Variants in BTRC observed in about 807,000 individuals in gnomAD.
BTRC encodes beta-transducin repeat containing E3 ubiquitin protein ligase.
Under a neutral mutation model 85.5 loss-of-function variants are expected in BTRC, and 42 were observed. That is an observed-to-expected ratio of 0.49 (90% CI 0.38 to 0.64). The LOEUF is 0.64. BTRC is among the 30% of genes least tolerant of loss of function. The pLI is 0.00. For missense variants in BTRC, 594 were observed against 743.5 expected, an observed-to-expected ratio of 0.80 and a Z score of 2.34; for synonymous variants, 255 against 263.3, an observed-to-expected ratio of 0.97 and a Z score of 0.30.
chr10:101,362,985 A>G (rs976260270), intron 1 of BTRC, among the ~76,000 whole-genome samples: 19 of 152,238 alleles, frequency 1.2e-4, no homozygotes, highest in Admixed American at 4.6e-4. Context: ...TTAAGGCACT[A>G]TAAGAGACTT....
At chr10:101,471,504 G>A (rs931427959) in intron 3 of BTRC, among the ~76,000 whole-genome samples, 1 of 152,196 alleles carries the variant, frequency 6.6e-6, no homozygotes, top group African/African-American at 2.4e-5. Context: ...AAGAGTTTTT[G>A]TGTCTGTTTC....
Position 101,521,735 on chromosome 10 carries a change from T to G in BTRC, c.421T>G (p.Phe141Val). 1 of 1,614,180 alleles carries G rather than the reference T, an allele frequency of 6.2e-7. No homozygotes were observed. The highest frequency in any genetic ancestry group is 8.5e-7 in the Non-Finnish European group (1 of 1,180,026). The change falls in exon 5 of 15, where the codon TTT (phenylalanine) becomes GTT (valine). Residue 141 changes from phenylalanine to valine, a missense_variant. Coordinates refer to ENST00000370187, the MANE Select transcript of BTRC (RefSeq NM_033637.4). The stretch of plus-strand genomic sequence containing the variant: ...GGAAAAGGAACTGTGTGTCAAATAC[T>G]TTGAGCAGTGGTCAGAGTCAGATCA... ...EKEKELCVKY[F>V]EQWSESDQVE... is the part of the protein sequence containing the mutation.
chr10:101,473,069 T>G (rs1488505942), intron 3 of BTRC, among the ~76,000 whole-genome samples: 3 of 152,160 alleles, frequency 2.0e-5, no homozygotes, highest in Non-Finnish European at 2.9e-5. Context: ...TCTCCCTTCC[T>G]TGGACTCCAG....
intron 13 of BTRC, among the ~76,000 whole-genome samples, chr10:101,549,185 A>G (rs2062606457): frequency 6.6e-6 from 1 of 151,320 alleles, no homozygotes; most frequent in African/African-American, 2.4e-5. Flanking sequence ...CTATAATCTC[A>G]GAGCTTTGGG....
At chr10:101,382,732 A>G (rs561967801) in intron 1 of BTRC, among the ~76,000 whole-genome samples, 5 of 152,306 alleles carry the variant, frequency 3.3e-5, no homozygotes, top group Non-Finnish European at 5.9e-5. Context: ...TTTACCATCC[A>G]TTGGTGATTC....
chr10:101,518,203 C>T (rs530044142), intron 4 of BTRC, among the ~76,000 whole-genome samples: 22 of 152,130 alleles, frequency 1.4e-4, no homozygotes, highest in Non-Finnish European at 2.8e-4. Flanking sequence ...TGAGCCACCG[C>T]GCCCGGCCGA....
chr10:101,355,616 C>T (rs577728127), intron 1 of BTRC, among the ~76,000 whole-genome samples: 1 of 152,130 alleles, frequency 6.6e-6, no homozygotes, highest in African/African-American at 2.4e-5. Context: ...GTTATTGTGA[C>T]TTGTCACTCC....
At chr10:101,449,745 A>G (rs1944911900) in intron 2 of BTRC, among the ~76,000 whole-genome samples, 1 of 151,614 alleles carries the variant, frequency 6.6e-6, no homozygotes, top group Admixed American at 6.6e-5. Context: ...ATTTTAATTC[A>G]TTTTGCCTTG....
At position 101,355,616 on chromosome 10, in the gene BTRC, C is replaced by G. The variant is rs577728127; in HGVS notation, c.48+1388C>G. 1.4e-3 allele frequency among the ~76,000 whole-genome samples: 210 copies of G among 152,246 alleles called. 4 individuals carry two copies. In the South Asian group the frequency reaches 0.043, roughly 31 times the overall value. On this transcript the variant is annotated intron_variant, in intron 1 of 14. Transcript: ENST00000370187. ...CTTGCTTTTTCAGAAGTTATTGTGA[C>G]TTGTCACTCCAAATCTTACTCCTTT... is the stretch of plus-strand genomic sequence containing the variant.
intron 3 of BTRC, among the ~76,000 whole-genome samples, chr10:101,478,796 A>C (rs1050253264): frequency 6.8e-5 from 10 of 146,516 alleles, no homozygotes; most frequent in Non-Finnish European, 1.2e-4. Context: ...AAAAAAAAAA[A>C]GAAAAGAAAA....
intron 1 of BTRC, among the ~76,000 whole-genome samples, chr10:101,419,901 A>G (rs1003934889): frequency 6.6e-6 from 1 of 152,098 alleles, no homozygotes; most frequent in Admixed American, 6.5e-5. Flanking sequence ...GCTCCTCTTA[A>G]ACTTTCCTGT....
chr10:101,466,176 G>A (rs1403987800), intron 3 of BTRC, among the ~76,000 whole-genome samples: 4 of 152,112 alleles, frequency 2.6e-5, no homozygotes, highest in Non-Finnish European at 4.4e-5. Flanking sequence ...AATTGTGACC[G>A]TTGTCTAATC....
intron 1 of BTRC, among the ~76,000 whole-genome samples, chr10:101,429,714 A>G (rs1229573857): frequency 3.5e-5 from 5 of 143,616 alleles, no homozygotes; most frequent in South Asian, 4.8e-4. Flanking sequence ...ACAGACCCCA[A>G]TCCATCTGGA....
intron 4 of BTRC, among the ~76,000 whole-genome samples, chr10:101,505,812 AC>A (rs543958648): frequency 1.8e-4 from 27 of 148,518 alleles, no homozygotes; most frequent in East Asian, 6.0e-4. Flanking sequence ...TCTTTGCTTG[AC>A]CCCCCCCATA....
In BTRC at chr10:101,354,168, G is replaced by C; in HGVS notation, c.-13G>C. On this transcript the variant is annotated 5_prime_UTR_variant, in exon 1 of 15. Transcript: ENST00000370187. Reference sequence around the variant, plus strand: ...GGCCCCGGCGGAGAGCGGACCCAGTGGCCTCGGCGATTATGGACCCGGCCG... The same window carrying C: ...GGCCCCGGCGGAGAGCGGACCCAGTCGCCTCGGCGATTATGGACCCGGCCG... The C allele has an allele frequency of 6.5e-7, 1 of 1,548,894 alleles. No individual in the cohort carries two copies. Among genetic ancestry groups the C allele is most frequent in the Non-Finnish European group, 8.7e-7 (1 of 1,146,696 alleles).
chr10:101,526,200 G>T lies in BTRC; in HGVS notation c.743+1G>T. 1 of 1,613,340 alleles carries T rather than the reference G, an allele frequency of 6.2e-7. No homozygotes were observed. On this transcript the variant is annotated splice_donor_variant, in intron 6 of 14. Transcript: ENST00000370187. LOFTEE classifies it high-confidence loss of function. ...GAGGCCTGGCAGAACGAAGAGGATG[G>T]TGAGCCTTTAACTTTTCTTACTCTT...
chr10:101,391,666 C>A (rs1178492568), intron 1 of BTRC, among the ~76,000 whole-genome samples: 1 of 152,144 alleles, frequency 6.6e-6, no homozygotes, highest in Non-Finnish European at 1.5e-5. Context: ...AGAACAGTAG[C>A]CTCCTAACCC....
intron 1 of BTRC, among the ~76,000 whole-genome samples, chr10:101,418,469 A>G (rs974786312): frequency 1.3e-5 from 2 of 150,890 alleles, no homozygotes; most frequent in African/African-American, 2.4e-5. Flanking sequence ...ACAATATTAA[A>G]TTTTTCAAAA....
At chr10:101,373,778 C>T (rs991538649) in intron 1 of BTRC, among the ~76,000 whole-genome samples, 3 of 151,840 alleles carry the variant, frequency 2.0e-5, no homozygotes, top group Admixed American at 6.6e-5. Context: ...ATTAGCCAGG[C>T]ATGGTGGTGG....
Sources: allele counts gnomAD v4.1 joint callset (sites outside exome capture counted in the v4.1 genomes callset), GRCh38; gene constraint gnomAD v4.1.1; transcripts MANE v1.5; gene names NCBI Gene and HGNC (gene_info 2026-07-23, HGNC 2026-07-21).